The following TSTD2 variants were observed in gnomAD, a reference collection of about 807,000 sequenced individuals.
TSTD2 encodes the protein thiosulfate sulfurtransferase/rhodanese-like domain-containing protein 2.
A neutral mutation model predicts 47.9 loss-of-function variants in TSTD2; 37 were observed. That is an observed-to-expected ratio of 0.77 (90% CI 0.59 to 1.02). The LOEUF is 1.02. TSTD2 is among the 50% of genes least tolerant of loss of function. The pLI, the probability that TSTD2 is intolerant of heterozygous loss-of-function variation, is 0.00. For missense variants in TSTD2, 586 were observed against 616.0 expected, an observed-to-expected ratio of 0.95 and a Z score of 0.52; for synonymous variants, 201 against 215.9, an observed-to-expected ratio of 0.93 and a Z score of 0.61.
rs1564004277 is a variant in TSTD2 at position 97,600,960 on chromosome 9, TCTC to T, written c.*1506_*1508del. 8.7e-7 allele frequency: 1 copy of T among 1,151,810 alleles called. No individual in the cohort carries two copies. Among genetic ancestry groups the T allele is most frequent in the Non-Finnish European group, 1.1e-6 (1 of 911,130 alleles). 71.3% of individuals were successfully genotyped at this position (1,151,810 alleles called of 1,614,324 possible). On this transcript the variant is annotated 3_prime_UTR_variant, in exon 10 of 10. Transcript: ENST00000341170. ...TATTTTCATTAGTGATTTCAGCAAA[TCTC>T]ATGATAAAGGACAAGGTCAAGAACT...
rs749597445 is a variant in TSTD2 at position 97,610,417 on chromosome 9, A to G, written c.764T>C (p.Leu255Ser). 18 of 1,588,458 alleles carry G rather than the reference A, an allele frequency of 1.1e-5. No individual in the cohort carries two copies. The South Asian group carries it at 1.5e-4, about 13-fold the overall frequency. ...GATTTCTTCAAATACACCAACACGC[A>G]ATTCTGGAAAACAGTGAGCTCCTCC... ...SKGGAHCFPE[L>S]RVGVFEEIVP... Residue 255 changes from leucine (L) to serine (S), a missense_variant, in exon 6 of 10, where the codon TTG becomes TCG. Physicochemically the swap from Leu to Ser is moderately radical, Grantham distance 145 (BLOSUM62 -2). Coordinates refer to ENST00000341170, the MANE Select transcript of TSTD2 (RefSeq NM_139246.5).
Position 97,600,681 on chromosome 9 carries a change from C to A in TSTD2, c.*1788G>T. 1.0e-6 allele frequency: 1 copy of A among 998,066 alleles called. No homozygotes were observed. Among genetic ancestry groups the A allele is most frequent in the Non-Finnish European group, 1.2e-6 (1 of 837,702 alleles). The allele number at this position is 998,066 out of a possible 1,614,324, so 61.8% of individuals were successfully genotyped here. On this transcript the variant is annotated 3_prime_UTR_variant, in exon 10 of 10. Coordinates refer to ENST00000341170, the MANE Select transcript of TSTD2 (RefSeq NM_139246.5). ...AGACAAATTGCTGCTGACCTTACGC[C>A]TGTATATTAAGCCTCCGCAGGATGC...
chr9:97,625,111 T>C lies in TSTD2; in HGVS notation c.482+570A>G, dbSNP rs1826698962. On this transcript the variant is annotated intron_variant, in intron 3 of 9. Transcript: ENST00000341170. The stretch of plus-strand genomic sequence containing the variant: ...TTCCAATACCTCAAAAAATCTCTTG[T>C]GTATTCCCAAACTTTCTGCCAGAAC... Among the ~76,000 whole-genome samples, 3 of 152,138 alleles carry C rather than the reference T, an allele frequency of 2.0e-5. No individual in the cohort carries two copies. The South Asian group carries it at 6.2e-4, about 31-fold the overall frequency.
chr9:97,600,531 T>C lies in TSTD2; in HGVS notation c.*1938A>G, dbSNP rs1826233555. ...TACTTTTGAAAACACCTTTCTATATTGCACAGTGGGCAAATGGCTTATGTG... is the reference window on the plus strand; with the variant it reads ...TACTTTTGAAAACACCTTTCTATATCGCACAGTGGGCAAATGGCTTATGTG... On this transcript the variant is annotated 3_prime_UTR_variant, in exon 10 of 10. Transcript: ENST00000341170. 5.1e-6 allele frequency: 5 copies of C among 985,954 alleles called. No individual in the cohort carries two copies. The highest frequency in any genetic ancestry group is 6.0e-6 in the Non-Finnish European group (5 of 830,342). The allele number at this position is 985,954 out of a possible 1,614,324, so 61.1% of individuals were successfully genotyped here.
At chr9:97,603,672 G>A (rs1226986793) in intron 9 of TSTD2, among the ~76,000 whole-genome samples, 1 of 152,136 alleles carries the variant, frequency 6.6e-6, no homozygotes, top group African/African-American at 2.4e-5. Context: ...GGATTTACTT[G>A]GTAGTCTGGT....
In TSTD2 at chr9:97,601,243, T is replaced by C; in HGVS notation, c.*1226A>G. On this transcript the variant is annotated 3_prime_UTR_variant, in exon 10 of 10. Transcript: ENST00000341170. The stretch of plus-strand genomic sequence containing the variant: ...AAACTGCAATATAATATTAAATCTG[T>C]TGGTCTATGCATGGCTGCGTATGTG... 1 of 1,256,096 alleles carries C rather than the reference T, an allele frequency of 8.0e-7. No homozygotes were observed. 77.8% of individuals were successfully genotyped at this position (1,256,096 alleles called of 1,614,324 possible). A position where few individuals can be genotyped will look rare whatever the true frequency, so the allele number is the denominator to read the frequency against.
intron 3 of TSTD2, among the ~76,000 whole-genome samples, chr9:97,622,929 T>A (rs1826663929): frequency 6.6e-6 from 1 of 152,242 alleles, no homozygotes; most frequent in Non-Finnish European, 1.5e-5. Flanking sequence ...AGGGATTTGC[T>A]TTGTCTCAGA....
intron 6 of TSTD2, among the ~76,000 whole-genome samples, chr9:97,608,856 G>T (rs773235412): frequency 6.6e-6 from 1 of 151,964 alleles, no homozygotes; most frequent in Non-Finnish European, 1.5e-5. Context: ...TCCTAATCCC[G>T]TTTCCCCCTG....
chr9:97,629,625 T>A (rs73551083), intron 1 of TSTD2, among the ~76,000 whole-genome samples: 1,531 of 152,262 alleles, frequency 0.01, 26 homozygotes, highest in African/African-American at 0.035. Context: ...AAAAAGTACA[T>A]CCCTAACTCT....
chr9:97,619,539 CTA>C (rs1442616688), intron 3 of TSTD2, among the ~76,000 whole-genome samples: 1 of 151,692 alleles, frequency 6.6e-6, no homozygotes, highest in Non-Finnish European at 1.5e-5. Flanking sequence ...CAGGGTCTTA[CTA>C]TGTTGCCCAG....
rs554155100 is a variant in TSTD2, at chr9:97,606,062, A to G, written c.954+81T>C. On this transcript the variant is annotated intron_variant, in intron 7 of 9. Transcript: ENST00000341170. ...ATGTGGCCACAGGTGGGCACACACAAGGTCCCCTTGGGAAATATACCACAC... is the reference window on the plus strand; with the variant it reads ...ATGTGGCCACAGGTGGGCACACACAGGGTCCCCTTGGGAAATATACCACAC... 3 of 1,066,132 alleles carry G rather than the reference A, an allele frequency of 2.8e-6. No homozygotes were observed. In the South Asian group the frequency reaches 4.0e-5, roughly 14 times the overall value. 66.0% of individuals were successfully genotyped at this position (1,066,132 alleles called of 1,614,324 possible). A position where few individuals can be genotyped will look rare whatever the true frequency, so the allele number is the denominator to read the frequency against.
At chr9:97,629,703 C>T (rs769838693) in intron 1 of TSTD2, among the ~76,000 whole-genome samples, 10 of 152,222 alleles carry the variant, frequency 6.6e-5, no homozygotes, top group Admixed American at 2.0e-4. Flanking sequence ...CACACTTCCT[C>T]CATGCTCAAA....
Position 97,600,884 on chromosome 9 carries a change from T to C in TSTD2, c.*1585A>G, listed in dbSNP as rs1826241991. 8.8e-7 allele frequency: 1 copy of C among 1,132,954 alleles called. No homozygotes were observed. Among genetic ancestry groups the C allele is most frequent in the Non-Finnish European group, 1.1e-6 (1 of 909,840 alleles). The allele number at this position is 1,132,954 out of a possible 1,614,324, so 70.2% of individuals were successfully genotyped here. A position where few individuals can be genotyped will look rare whatever the true frequency, so the allele number is the denominator to read the frequency against. On this transcript the variant is annotated 3_prime_UTR_variant, in exon 10 of 10. Coordinates refer to ENST00000341170, the MANE Select transcript of TSTD2 (RefSeq NM_139246.5). ...GCCACAATGCCCTTGTGCCTTTTAA[T>C]ATACCACAGTGCCAGTTAAACTAAT...
chr9:97,625,946 C>T lies in TSTD2; in HGVS notation c.217G>A (p.Glu73Lys). The T allele has an allele frequency of 6.2e-7, 1 of 1,613,422 alleles. No homozygotes were observed. The highest frequency in any genetic ancestry group is 8.5e-7 in the Non-Finnish European group (1 of 1,179,816). Residue 73 changes from glutamate to lysine, a missense_variant, in exon 3 of 10, where the codon GAA becomes AAA. By Grantham distance (56) the Glu-to-Lys change is moderately conservative. Coordinates refer to ENST00000341170, the MANE Select transcript of TSTD2 (RefSeq NM_139246.5). ...TKEVPTKRSF[E>K]CKEKLWKCCR... ...CATTTCCACAATTTTTCTTTACATT[C>T]AAAACTCCTTTTTGTTGGAACTTCT... is the stretch of plus-strand genomic sequence containing the variant.
chr9:97,603,771 C>A (rs1464722761), intron 9 of TSTD2, among the ~76,000 whole-genome samples: 2 of 152,172 alleles, frequency 1.3e-5, no homozygotes, highest in Non-Finnish European at 2.9e-5. Context: ...ATGATTTAAA[C>A]TCACTGCAAC....
At chr9:97,604,917 A>G (rs1453092102) in intron 8 of TSTD2, 52 bp from the exon 9 acceptor site, 1 of 1,603,438 alleles carries the variant, frequency 6.2e-7, no homozygotes, top group South Asian at 1.1e-5. Context: ...AGACCTGTTA[A>G]GATGCTCACG....
chr9:97,611,915 G>T (rs1826467812), intron 4 of TSTD2, among the ~76,000 whole-genome samples: 1 of 152,140 alleles, frequency 6.6e-6, no homozygotes, highest in Non-Finnish European at 1.5e-5. Flanking sequence ...TGCTCTGCAG[G>T]TAAAACTGTG....
chr9:97,605,460 A>G (rs771827311), intron 8 of TSTD2, 23 bp downstream of exon 8: 1 of 1,611,510 alleles, frequency 6.2e-7, no homozygotes, highest in Non-Finnish European at 8.5e-7. Context: ...CCATGCCCAC[A>G]GTGCCCCGGG....
At position 97,618,006 on chromosome 9, in the gene TSTD2, A is replaced by T. The variant is rs994780534; in HGVS notation, c.483-129T>A. On this transcript the variant is annotated intron_variant, in intron 3 of 9. Coordinates refer to ENST00000341170, the MANE Select transcript of TSTD2 (RefSeq NM_139246.5). Reference sequence around the variant, plus strand: ...GACACTCATGCCTGTCTTTGCTGTGATGATTGTTCTCCTCCTGAAATGAGA... The same window carrying T: ...GACACTCATGCCTGTCTTTGCTGTGTTGATTGTTCTCCTCCTGAAATGAGA... 3 of 1,257,680 alleles carry T rather than the reference A, an allele frequency of 2.4e-6. No homozygotes were observed. The African/African-American group carries it at 4.5e-5, about 19-fold the overall frequency. The allele number at this position is 1,257,680 out of a possible 1,614,324, so 77.9% of individuals were successfully genotyped here. A position where few individuals can be genotyped will look rare whatever the true frequency, so the allele number is the denominator to read the frequency against.
Sources: gnomAD v4.1 joint callset for allele counts (sites outside exome capture counted in the v4.1 genomes callset) on GRCh38, gnomAD v4.1.1 for gene constraint, MANE v1.5 for transcripts, NCBI Gene and HGNC (gene_info 2026-07-23, HGNC 2026-07-21) for gene names.